Variants in RUNX1T1 observed in about 807,000 individuals in gnomAD.
The protein encoded by RUNX1T1 is RUNX1 partner transcriptional co-repressor 1, also known as protein CBFA2T1.
A neutral mutation model predicts 62.8 loss-of-function variants in RUNX1T1; 4 were observed. The ratio of observed to expected loss-of-function variants is 0.06; its 90% confidence interval spans 0.03 to 0.15. The LOEUF (loss-of-function observed/expected upper bound fraction) is 0.15. Among genes scored for constraint, RUNX1T1 ranks in the 10% least tolerant of loss-of-function variants. The pLI, the probability that RUNX1T1 is intolerant of heterozygous loss-of-function variation, is 1.00. For missense variants in RUNX1T1, 508 were observed against 754.3 expected, an observed-to-expected ratio of 0.67 and a Z score of 3.82; for synonymous variants, 291 against 286.0, an observed-to-expected ratio of 1.02 and a Z score of -0.18.
chr8:92,041,321 T>C (rs1470267894), intron 1 of RUNX1T1, among the ~76,000 whole-genome samples: 6 of 152,294 alleles, frequency 3.9e-5, no homozygotes, highest in African/African-American at 1.2e-4. Flanking sequence ...ATCAAATACA[T>C]GACTAAAGGC....
chr8:92,058,655 G>A (rs1831425495), intron 1 of RUNX1T1, among the ~76,000 whole-genome samples: 1 of 152,162 alleles, frequency 6.6e-6, no homozygotes, highest in Non-Finnish European at 1.5e-5. Flanking sequence ...TTCAACATCT[G>A]TAAACTGAAG....
chr8:92,055,803 G>A lies in RUNX1T1; in HGVS notation c.7+6743C>T, dbSNP rs1362104482. Among the ~76,000 whole-genome samples, 4 of 152,172 alleles carry A rather than the reference G, an allele frequency of 2.6e-5. No homozygotes were observed. The East Asian group carries it at 7.7e-4, about 29-fold the overall frequency. On this transcript the variant is annotated intron_variant, in intron 1 of 10. Coordinates refer to ENST00000396218, the Ensembl canonical transcript of RUNX1T1. ...GTGTTTTCTATAGACAAAAATATTT[G>A]TTTTGATTTCCTCTACGTATTTTGT...
In RUNX1T1 at chr8:91,986,868, A is replaced by G; in HGVS notation, c.996+19T>C. The G allele has an allele frequency of 6.7e-7, 1 of 1,494,500 alleles. No homozygotes were observed. Among genetic ancestry groups the G allele is most frequent in the Non-Finnish European group, 9.3e-7 (1 of 1,072,314 alleles). 92.6% of individuals were successfully genotyped at this position (1,494,500 alleles called of 1,614,324 possible). A position where few individuals can be genotyped will look rare whatever the true frequency, so the allele number is the denominator to read the frequency against. ...TTTTCCAAACATTTTTTAATCCCAA[A>G]TGATTACTGATGTCTTACATGGTCA... On this transcript the variant is annotated intron_variant, in intron 7 of 10. Transcript: ENST00000396218.
chr8:92,030,505 G>A (rs1826024637), intron 1 of RUNX1T1, among the ~76,000 whole-genome samples: 1 of 152,176 alleles, frequency 6.6e-6, no homozygotes, highest in Non-Finnish European at 1.5e-5. Context: ...GGGTTCCGAA[G>A]TTTCTTCAGT....
chr8:92,083,412 C>A (rs1176152246), intron 1 of RUNX1T1, among the ~76,000 whole-genome samples: 2 of 152,110 alleles, frequency 1.3e-5, no homozygotes, highest in African/African-American at 4.8e-5. Flanking sequence ...AAGAAAAAAA[C>A]AACCCCATCA....
exon 5 of RUNX1T1, chr8:92,005,214 A>C: frequency 6.2e-7 from 1 of 1,614,014 alleles, no homozygotes; most frequent in Non-Finnish European, 8.5e-7. Context: ...GCAGCTGTTC[A>C]TGCTGGGCGA....
rs748481145 is a variant in RUNX1T1 at position 92,010,964 on chromosome 8, G to A, written c.477+38C>T. On this transcript the variant is annotated intron_variant, in intron 4 of 10. Coordinates refer to ENST00000396218, the Ensembl canonical transcript of RUNX1T1. The stretch of plus-strand genomic sequence containing the variant: ...ACAGTTATGACCTAGCAACAATATG[G>A]TTTAAAATACTTTACAGACCAGTGA... The A allele has an allele frequency of 1.1e-5, 13 of 1,194,252 alleles. No individual in the cohort carries two copies. The South Asian group carries it at 1.6e-4, about 15-fold the overall frequency. The allele number at this position is 1,194,252 out of a possible 1,614,324, so 74.0% of individuals were successfully genotyped here.
chr8:92,019,554 CA>C (rs1241989192), intron 1 of RUNX1T1, among the ~76,000 whole-genome samples: 1 of 152,162 alleles, frequency 6.6e-6, no homozygotes, highest in African/African-American at 2.4e-5. Context: ...CCTTTACCCT[CA>C]GTGTCTACAA....
At chr8:92,057,553 A>G (rs1233713658) in intron 1 of RUNX1T1, among the ~76,000 whole-genome samples, 2 of 152,240 alleles carry the variant, frequency 1.3e-5, no homozygotes, top group Non-Finnish European at 2.9e-5. Flanking sequence ...GTATACTATC[A>G]GAGATTTATT....
chr8:92,013,314 G>A (rs1267697458), intron 3 of RUNX1T1, among the ~76,000 whole-genome samples: 1 of 152,210 alleles, frequency 6.6e-6, no homozygotes, highest in Non-Finnish European at 1.5e-5. Context: ...GATGGACTGT[G>A]AGAAACATGG....
intron 1 of RUNX1T1, chr8:92,095,395 A>T (rs1362657680): frequency 6.5e-7 from 1 of 1,535,590 alleles, no homozygotes; most frequent in African/African-American, 1.4e-5. Flanking sequence ...GGCGGCACCC[A>T]GACCGCGGCT....
At chr8:91,986,416 TGAAG>T in intron 7 of RUNX1T1, 91 bp from the exon 9 acceptor site, 1 of 985,318 alleles carries the variant, frequency 1.0e-6, no homozygotes, top group Non-Finnish European at 1.6e-6. Flanking sequence ...TTCAGGACAA[TGAAG>T]GAAGCAATTT....
intron 4 of RUNX1T1, among the ~76,000 whole-genome samples, chr8:92,008,800 A>G (rs1056989898): frequency 6.6e-6 from 1 of 152,248 alleles, no homozygotes; most frequent in African/African-American, 2.4e-5. Context: ...ATAGATAGAT[A>G]GCAATTTCTT....
chr8:92,030,359 C>A (rs1826000495), intron 1 of RUNX1T1, among the ~76,000 whole-genome samples: 1 of 152,148 alleles, frequency 6.6e-6, no homozygotes, highest in Admixed American at 6.5e-5. Flanking sequence ...CATATCAACT[C>A]AGTCCCAGAA....
intron 1 of RUNX1T1, among the ~76,000 whole-genome samples, chr8:92,092,849 A>AT (rs570994032): frequency 1.8e-4 from 27 of 151,112 alleles, no homozygotes; most frequent in African/African-American, 5.1e-4. Context: ...AGAATAGAAA[A>AT]TTTTTTTTTT....
At chr8:92,000,060 C>T (rs937024831) in intron 5 of RUNX1T1, among the ~76,000 whole-genome samples, 2 of 152,102 alleles carry the variant, frequency 1.3e-5, no homozygotes, top group African/African-American at 2.4e-5. Flanking sequence ...AATCCCAGCA[C>T]TTTGGGAGGC....
At chr8:91,995,458 C>T (rs565302336) in intron 5 of RUNX1T1, among the ~76,000 whole-genome samples, 2 of 152,156 alleles carry the variant, frequency 1.3e-5, no homozygotes, top group Non-Finnish European at 2.9e-5. Context: ...AAGCTCATCA[C>T]CTCATAAGGA....
intron 5 of RUNX1T1, among the ~76,000 whole-genome samples, chr8:91,994,114 A>T (rs1818226695): frequency 6.6e-6 from 1 of 152,202 alleles, no homozygotes; most frequent in South Asian, 2.1e-4. Flanking sequence ...AATATTGGAA[A>T]TGATGGCAAA....
intron 1 of RUNX1T1, among the ~76,000 whole-genome samples, chr8:92,060,681 T>A (rs961997014): frequency 5.3e-5 from 8 of 151,306 alleles, no homozygotes; most frequent in Non-Finnish European, 8.8e-5. Flanking sequence ...CTTAAAAATA[T>A]AAAACCTGCC....
Sources: gnomAD v4.1 joint callset for allele counts (sites outside exome capture counted in the v4.1 genomes callset) on GRCh38, gnomAD v4.1.1 for gene constraint, MANE v1.5 for transcripts, NCBI Gene and HGNC (gene_info 2026-07-23, HGNC 2026-07-21) for gene names.